Variants in COL9A3 observed in about 807,000 individuals in gnomAD.
The protein encoded by COL9A3 is collagen alpha-3(IX) chain.
COL9A3 carries 82 observed loss-of-function variants against 110.2 expected under a neutral mutation model. The ratio of observed to expected loss-of-function variants is 0.74; its 90% CI spans 0.62 to 0.89. The LOEUF is 0.89. Ranked by LOEUF, COL9A3 falls within the 40% of genes least tolerant of loss-of-function variation. The pLI is 0.00. For synonymous variants in COL9A3, 494 were observed against 403.8 expected (o/e 1.22, Z -2.68); for missense variants, 1,066 against 981.3 (o/e 1.09, Z -1.15).
intron 18 of COL9A3, 30 bp from the exon 19 acceptor site, chr20:62,828,893 C>G: frequency 6.2e-7 from 1 of 1,612,488 alleles, no homozygotes; most frequent in Non-Finnish European, 8.5e-7. Flanking sequence ...CTCAGCCTCC[C>G]CTTCCGCACC....
At chr20:62,818,477 C>A (rs748496265) in intron 2 of COL9A3, 41 bp from the exon 3 acceptor site, 16 of 1,601,068 alleles carry the variant, frequency 1.0e-5, no homozygotes, top group Non-Finnish European at 1.4e-5. Flanking sequence ...CTTGAGGGAC[C>A]CCTGATTTTC....
chr20:62,837,576 A>AGG (rs748256750), intron 30 of COL9A3, among the ~76,000 whole-genome samples: 1 of 152,126 alleles, frequency 6.6e-6, no homozygotes, highest in Non-Finnish European at 1.5e-5. Context: ...TGGGGGGCTG[A>AGG]GGTGGGCAGA....
Position 62,837,208 on chromosome 20 carries a change from C to G in COL9A3, c.1729C>G (p.Arg577Gly). 1.2e-6 allele frequency: 2 copies of G among 1,612,344 alleles called. No individual in the cohort carries two copies. Among genetic ancestry groups the G allele is most frequent in the Non-Finnish European group, 8.5e-7 (1 of 1,179,706 alleles). The change falls in exon 30 of 32, where the codon CGA (arginine) becomes GGA (glycine). Residue 577 changes from arginine (R) to glycine (G), a missense_variant. Coordinates refer to ENST00000649368, the MANE Select transcript of COL9A3 (RefSeq NM_001853.4). ...PPGSIGHPGARGPPGYRGPTG... is the reference protein window; with the variant it reads ...PPGSIGHPGAGGPPGYRGPTG... ...AGGCTCCATTGGTCACCCTGGCGCT[C>G]GAGGACCCCCTGGATACCGCGGTCC...
At position 62,830,374 on chromosome 20, in the gene COL9A3, A is replaced by T. The variant is rs763175464; in HGVS notation, c.1176A>T (p.Pro392=). The change falls in exon 23 of 32, where the codon CCA becomes CCT. Residue 392 remains proline (P), a synonymous_variant. Transcript: ENST00000649368. ...GHRGSAGALG[P]QGPPGAPGVR... ...TTGTCTTCCAGGGGGCCCTCGGCCC[A>T]CAAGGCCCTCCCGGAGCCCCTGGTG... is the stretch of plus-strand genomic sequence containing the variant. 16 of 1,573,476 alleles carry T rather than the reference A, an allele frequency of 1.0e-5. No individual in the cohort carries two copies. In the South Asian group the frequency reaches 1.6e-4, roughly 16 times the overall value.
chr20:62,832,127 A>G, intron 24 of COL9A3, 27 bp from the exon 25 acceptor site: 2 of 1,610,372 alleles, frequency 1.2e-6, no homozygotes, highest in South Asian at 2.2e-5. Flanking sequence ...CCATTCCTCT[A>G]ATCCAGAGCC....
At chr20:62,836,899 A>T in intron 29 of COL9A3, 184 bp from the exon 30 acceptor site, 1 of 849,140 alleles carries the variant, frequency 1.2e-6, no homozygotes, top group South Asian at 1.4e-5. Context: ...CTCAGGCTCC[A>T]AGGGGTTGGG....
intron 31 of COL9A3, 102 bp from the exon 32 acceptor site, chr20:62,840,440 A>T: frequency 9.1e-7 from 1 of 1,098,922 alleles, no homozygotes; most frequent in Admixed American, 1.7e-5. Flanking sequence ...CCAAGTGAAG[A>T]GTGAGCAGAT....
intron 10 of COL9A3, among the ~76,000 whole-genome samples, chr20:62,823,402 C>T (rs1029753413): frequency 2.4e-4 from 37 of 152,296 alleles, no homozygotes; most frequent in Non-Finnish European, 4.6e-4. Flanking sequence ...TCTGTTTGGC[C>T]GTCCGTGGTG....
At position 62,838,664 on chromosome 20, in the gene COL9A3, G is replaced by C. The variant is rs1352818434; in HGVS notation, c.1787-20G>C. On this transcript the variant is annotated intron_variant, in intron 30 of 31. Transcript: ENST00000649368. ...CAACAGATACTCTAACCATATGTCT[G>C]TGTCCACACCTCGTGACAGGAAACC... 1.9e-6 allele frequency: 3 copies of C among 1,550,482 alleles called. No individual in the cohort carries two copies. In the African/African-American group the frequency reaches 4.1e-5, roughly 21 times the overall value.
rs1298633490 is a variant in COL9A3 at position 62,840,936 on chromosome 20, A to G, written c.*204A>G. ...AGCATACCTCAAAAGGCCCTAGCTA[A>G]TAAACCTGTAAGCCCAGCATTTGAG... is the stretch of plus-strand genomic sequence containing the variant. On this transcript the variant is annotated 3_prime_UTR_variant, in exon 32 of 32. Coordinates refer to ENST00000649368, the MANE Select transcript of COL9A3 (RefSeq NM_001853.4). The G allele has an allele frequency of 2.0e-5, 12 of 600,692 alleles. No homozygotes were observed. The highest frequency in any genetic ancestry group is 6.0e-6 in the Non-Finnish European group (2 of 332,740). 37.2% of individuals were successfully genotyped at this position (600,692 alleles called of 1,614,324 possible). A position where few individuals can be genotyped will look rare whatever the true frequency, so the allele number is the denominator to read the frequency against.
chr20:62,828,031 C>A, intron 17 of COL9A3, 55 bp downstream of exon 17: 1 of 1,585,288 alleles, frequency 6.3e-7, no homozygotes, highest in Non-Finnish European at 8.6e-7. Context: ...TGGGTATGTA[C>A]AGGTGGAGAT....
At chr20:62,833,919 G>A (rs1055163789) in intron 26 of COL9A3, among the ~76,000 whole-genome samples, 2 of 150,942 alleles carry the variant, frequency 1.3e-5, no homozygotes, top group East Asian at 4.0e-4. Context: ...TCGCTCTTTC[G>A]CCCAGGCTGG....
chr20:62,821,483 C>G, intron 6 of COL9A3, 24 bp from the exon 7 acceptor site: 1 of 1,612,950 alleles, frequency 6.2e-7, no homozygotes, highest in South Asian at 1.1e-5. Context: ...CTGGCAGGCT[C>G]TGACCCCATG....
intron 1 of COL9A3, 56 bp downstream of exon 1, chr20:62,817,198 C>T: frequency 8.1e-7 from 1 of 1,227,086 alleles, no homozygotes; most frequent in Non-Finnish European, 1.0e-6. Flanking sequence ...CGCCCCAGCC[C>T]CGAACCCGCC....
chr20:62,832,131 C>T (rs776039013), intron 24 of COL9A3, 23 bp from the exon 25 acceptor site: 2 of 1,611,418 alleles, frequency 1.2e-6, no homozygotes, highest in Non-Finnish European at 1.7e-6. Context: ...TCCTCTAATC[C>T]AGAGCCTTCT....
At chr20:62,821,485 G>C in intron 6 of COL9A3, 22 bp from the exon 7 acceptor site, 8 of 1,612,848 alleles carry the variant, frequency 5.0e-6, no homozygotes, top group Non-Finnish European at 5.9e-6. Context: ...GGCAGGCTCT[G>C]ACCCCATGTT....
At chr20:62,832,743 G>C in intron 25 of COL9A3, 1 of 384,696 alleles carries the variant, frequency 2.6e-6, no homozygotes, top group Non-Finnish European at 4.9e-6. Context: ...ACCGCTGGAG[G>C]GCCTGCAGCC....
intron 15 of COL9A3, 97 bp from the exon 16 acceptor site, chr20:62,827,144 G>A: frequency 1.6e-6 from 2 of 1,215,398 alleles, no homozygotes; most frequent in Non-Finnish European, 2.4e-6. Context: ...CACTCCTGGA[G>A]GGCTGTCCCC....
chr20:62,833,186 G>C, intron 26 of COL9A3, 122 bp downstream of exon 26: 2 of 833,764 alleles, frequency 2.4e-6, no homozygotes, highest in Non-Finnish European at 4.1e-6. Context: ...CGGCAGCTCT[G>C]CTGGGCAGCG....
Sources: gnomAD v4.1 joint callset for allele counts (sites outside exome capture counted in the v4.1 genomes callset) on GRCh38, gnomAD v4.1.1 for gene constraint, MANE v1.5 for transcripts, NCBI Gene and HGNC (gene_info 2026-07-23, HGNC 2026-07-21) for gene names.